Variants in CYP2C19 observed in about 807,000 individuals in gnomAD.
The protein encoded by CYP2C19 is cytochrome P450 2C19.
A neutral mutation model predicts 40.9 loss-of-function variants in CYP2C19; 59 were observed. The ratio of observed to expected loss-of-function variants is 1.44; its 90% CI spans 1.17 to 1.79. The LOEUF (loss-of-function observed/expected upper bound fraction) is 1.79, where lower values mean the gene tolerates loss of function less well. Ranked by LOEUF, CYP2C19 falls within the 40% of genes most tolerant of loss-of-function variation. The probability of loss-of-function intolerance (pLI) is 0.00; values close to 1 mark genes in which losing one functional copy is unlikely to be tolerated. For synonymous variants in CYP2C19, 253 were observed against 208.7 expected (o/e 1.21, Z -1.83); for missense variants, 754 against 596.9 (o/e 1.26, Z -2.74).
At chr10:94,837,774 A>G (rs1028589396) in intron 6 of CYP2C19, among the ~76,000 whole-genome samples, 1 of 152,054 alleles carries the variant, frequency 6.6e-6, no homozygotes, top group Admixed American at 6.6e-5. Flanking sequence ...GGGTGATGGC[A>G]TGGGCTGGGG....
intron 3 of CYP2C19, among the ~76,000 whole-genome samples, chr10:94,778,614 A>G (rs1848441658): frequency 6.6e-6 from 1 of 152,206 alleles, no homozygotes; most frequent in African/African-American, 2.4e-5. Flanking sequence ...GTTAGGAAAC[A>G]AGAGATGCTG....
intron 1 of CYP2C19, among the ~76,000 whole-genome samples, chr10:94,766,685 C>A (rs1386481732): frequency 6.6e-6 from 1 of 151,974 alleles, no homozygotes; most frequent in Non-Finnish European, 1.5e-5. Flanking sequence ...TGGGATGTTT[C>A]CTTCTGAAAT....
intron 1 of CYP2C19, among the ~76,000 whole-genome samples, chr10:94,769,143 C>A (rs374389594): frequency 6.6e-6 from 1 of 152,040 alleles, no homozygotes; most frequent in South Asian, 2.1e-4. Flanking sequence ...CTGCTGTAGG[C>A]AAAGCTGGGC....
Position 94,782,010 on chromosome 10 carries a change from C to T in CYP2C19, c.819+13C>T. 6.5e-7 allele frequency: 1 copy of T among 1,532,380 alleles called. No individual in the cohort carries two copies. Among genetic ancestry groups the T allele is most frequent in the Non-Finnish European group, 8.7e-7 (1 of 1,148,096 alleles). 94.9% of individuals were successfully genotyped at this position (1,532,380 alleles called of 1,614,324 possible). On this transcript the variant is annotated intron_variant, in intron 5 of 8. Coordinates refer to ENST00000371321, the MANE Select transcript of CYP2C19 (RefSeq NM_000769.4). ...CAAAATGGAGAAGGTAAAATGTTAA[C>T]AAAAGCTTAGTTATGTGACTGCTTG...
At chr10:94,845,708 A>G (rs1424132909) in intron 7 of CYP2C19, among the ~76,000 whole-genome samples, 1 of 152,152 alleles carries the variant, frequency 6.6e-6, no homozygotes, top group Non-Finnish European at 1.5e-5. Flanking sequence ...TTCAAGTAAC[A>G]TTTGTTGAAA....
At chr10:94,820,722 G>A (rs557466494) in intron 6 of CYP2C19, 85 bp downstream of exon 6, 4 of 1,541,368 alleles carry the variant, frequency 2.6e-6, no homozygotes, top group East Asian at 2.3e-5. Context: ...GTTTCTCTTA[G>A]AGAAGTTCCA....
At chr10:94,785,338 T>A (rs141115527) in intron 5 of CYP2C19, among the ~76,000 whole-genome samples, 1 of 152,118 alleles carries the variant, frequency 6.6e-6, no homozygotes, top group Non-Finnish European at 1.5e-5. Context: ...TATTTTTCAT[T>A]TGGAGTGAGG....
intron 3 of CYP2C19, among the ~76,000 whole-genome samples, 153 bp from the exon 4 acceptor site, chr10:94,780,346 G>T (rs1005953447): frequency 2.0e-5 from 3 of 152,254 alleles, no homozygotes; most frequent in Admixed American, 6.5e-5. Context: ...GTGATGTGTT[G>T]ATTTTATGCA....
intron 6 of CYP2C19, among the ~76,000 whole-genome samples, chr10:94,841,211 C>G (rs1036233068): frequency 1.3e-5 from 2 of 152,132 alleles, no homozygotes; most frequent in Non-Finnish European, 2.9e-5. Flanking sequence ...GGAAGAGAAC[C>G]GTGGAACCCG....
rs1849520616 is a variant in CYP2C19 at position 94,843,044 on chromosome 10, A to G, written c.1149+20A>G. The G allele has an allele frequency of 6.2e-7, 1 of 1,612,292 alleles. No homozygotes were observed. The highest frequency in any genetic ancestry group is 1.3e-5 in the African/African-American group (1 of 74,840). ...CCCAAGGTAAGTTTGTTTCTCCTAC[A>G]CTGCAACTCCATGTTCTTTTATTCC... On this transcript the variant is annotated intron_variant, in intron 7 of 8. Coordinates refer to ENST00000371321, the MANE Select transcript of CYP2C19 (RefSeq NM_000769.4).
At chr10:94,834,563 T>C (rs1399263749) in intron 6 of CYP2C19, among the ~76,000 whole-genome samples, 1 of 151,698 alleles carries the variant, frequency 6.6e-6, no homozygotes, top group Non-Finnish European at 1.5e-5. Context: ...TTTCTTTTTT[T>C]TTTTTGTGCA....
chr10:94,838,603 G>C (rs995400709), intron 6 of CYP2C19, among the ~76,000 whole-genome samples: 3 of 151,976 alleles, frequency 2.0e-5, no homozygotes, highest in East Asian at 3.9e-4. Flanking sequence ...GGCACTCTTT[G>C]GTTCATTATT....
At chr10:94,767,564 T>C (rs576605285) in intron 1 of CYP2C19, among the ~76,000 whole-genome samples, 4 of 152,172 alleles carry the variant, frequency 2.6e-5, no homozygotes, top group Non-Finnish European at 2.9e-5. Flanking sequence ...TAGTGACCTA[T>C]TCTTTGTTCC....
At chr10:94,831,338 A>G (rs1849332135) in intron 6 of CYP2C19, among the ~76,000 whole-genome samples, 1 of 152,256 alleles carries the variant, frequency 6.6e-6, no homozygotes, top group Non-Finnish European at 1.5e-5. Context: ...TGCAACAAAC[A>G]CAAGAGTGCA....
At position 94,849,900 on chromosome 10, in the gene CYP2C19, A is replaced by T; in HGVS notation, c.1150-17A>T. On this transcript the variant is annotated splice_polypyrimidine_tract_variant and intron_variant, in intron 7 of 8. Coordinates refer to ENST00000371321, the MANE Select transcript of CYP2C19 (RefSeq NM_000769.4). The stretch of plus-strand genomic sequence containing the variant: ...GACTTCTTTACAGCTCAGTTCACCT[A>T]TGTCTCTTGTTTCTAGGGCACAACC... The T allele has an allele frequency of 6.2e-7, 1 of 1,613,350 alleles. No homozygotes were observed. Among genetic ancestry groups the T allele is most frequent in the Admixed American group, 1.7e-5 (1 of 59,928 alleles).
chr10:94,763,645 G>C (rs17879263), intron 1 of CYP2C19, among the ~76,000 whole-genome samples: 3 of 151,888 alleles, frequency 2.0e-5, no homozygotes, highest in Non-Finnish European at 4.4e-5. Context: ...AAGAGAATGA[G>C]GCTGTAGTTA....
chr10:94,806,671 AT>A (rs1320492385), intron 5 of CYP2C19, among the ~76,000 whole-genome samples: 1 of 148,172 alleles, frequency 6.7e-6, no homozygotes, highest in Non-Finnish European at 1.5e-5. Flanking sequence ...ATAGTAAAAA[AT>A]ATATTATAAA....
intron 5 of CYP2C19, among the ~76,000 whole-genome samples, chr10:94,812,071 T>C (rs1224303763): frequency 6.6e-6 from 1 of 152,204 alleles, no homozygotes; most frequent in African/African-American, 2.4e-5. Context: ...GCAGGCTTGG[T>C]GATGACAAAA....
chr10:94,825,282 AAG>A (rs1564677394), intron 6 of CYP2C19, among the ~76,000 whole-genome samples: 5 of 138,720 alleles, frequency 3.6e-5, no homozygotes, highest in Non-Finnish European at 6.3e-5. Context: ...AACAGTGTAA[AAG>A]TGTTCCTATT....
Sources: allele counts gnomAD v4.1 joint callset (sites outside exome capture counted in the v4.1 genomes callset), GRCh38; gene constraint gnomAD v4.1.1; transcripts MANE v1.5; gene names NCBI Gene and HGNC (gene_info 2026-07-23, HGNC 2026-07-21).